Variants in LATS1 observed in about 807,000 individuals in gnomAD.
LATS1 encodes the protein large tumor suppressor kinase 1.
Under a neutral mutation model 106.6 loss-of-function variants are expected in LATS1, and 25 were observed. That is an observed-to-expected ratio of 0.23 (90% CI 0.17 to 0.33). The LOEUF (loss-of-function observed/expected upper bound fraction) is 0.33. Among genes scored for constraint, LATS1 ranks in the 10% least tolerant of loss-of-function variants. The probability of loss-of-function intolerance (pLI) is 1.00; values close to 1 mark genes in which losing one functional copy is unlikely to be tolerated. For missense variants in LATS1, 1,040 were observed against 1,382.6 expected, an observed-to-expected ratio of 0.75 and a Z score of 3.93; for synonymous variants, 465 against 455.6, an observed-to-expected ratio of 1.02 and a Z score of -0.26.
rs371792573 is a variant in LATS1, at chr6:149,673,970, C to T, written c.2883+2290G>A. Among the ~76,000 whole-genome samples the T allele has an allele frequency of 1.1e-3, 164 of 151,724 alleles. 8 individuals are homozygous for T. The East Asian group carries it at 0.017, about 15-fold the overall frequency. On this transcript the variant is annotated intron_variant, in intron 7 of 7. Transcript: ENST00000543571. ...GATTACAGGCATGAGCCACCACACC[C>T]GGCTAATGTAAAACCATTTCTATAT... is the stretch of plus-strand genomic sequence containing the variant.
At chr6:149,710,892 A>G (rs990770353) in intron 1 of LATS1, among the ~76,000 whole-genome samples, 3 of 152,218 alleles carry the variant, frequency 2.0e-5, no homozygotes, top group Non-Finnish European at 4.4e-5. Context: ...TTTGAAAGCA[A>G]AAACAGAAGA....
intron 3 of LATS1, among the ~76,000 whole-genome samples, chr6:149,685,330 C>T (rs766932939): frequency 6.6e-6 from 1 of 151,868 alleles, no homozygotes; most frequent in East Asian, 1.9e-4. Context: ...ATTATTAGGC[C>T]AAAGGGCGTA....
rs767683944 is a variant in LATS1, at chr6:149,661,998, C to G, written c.3124G>C (p.Val1042Leu). ...TCACTCCATAATTTATCAGGATCAA[C>G]AGGATCAAAATTTGATGTATCTGTT... ...HPTDTSNFDP[V>L]DPDKLWSDDN... Residue 1042 changes from valine to leucine, a missense_variant, in exon 8 of 8, where the codon GTT becomes CTT. This residue lies in a region of LATS1 where 113 missense variants were observed against 146.3 expected (regional missense o/e 0.77). Transcript: ENST00000543571. 1 of 1,614,116 alleles carries G rather than the reference C, an allele frequency of 6.2e-7. No homozygotes were observed. Among genetic ancestry groups the G allele is most frequent in the South Asian group, 1.1e-5 (1 of 91,086 alleles).
At position 149,683,944 on chromosome 6, in the gene LATS1, T is replaced by C. The variant is rs373129456; in HGVS notation, c.1145A>G (p.Asn382Ser). 4.3e-6 allele frequency: 7 copies of C among 1,614,128 alleles called. No homozygotes were observed. In the African/African-American group the frequency reaches 9.3e-5, roughly 22 times the overall value. Residue 382 changes from asparagine to serine, a missense_variant, in exon 4 of 8, where the codon AAT becomes AGT. Transcript: ENST00000543571. ...TTGTAAAGCAGAAGGGCTTTGTCCATTAGCTGCTGTCAGAGGATATGGAGG... is the reference window on the plus strand; with the variant it reads ...TTGTAAAGCAGAAGGGCTTTGTCCACTAGCTGCTGTCAGAGGATATGGAGG... The part of the protein sequence containing the change: ...PPPPYPLTAA[N>S]GQSPSALQTG...
At chr6:149,677,413 C>A (rs1441683378) in intron 5 of LATS1, among the ~76,000 whole-genome samples, 1 of 152,196 alleles carries the variant, frequency 6.6e-6, no homozygotes, top group Non-Finnish European at 1.5e-5. Flanking sequence ...GGGGCAAGAA[C>A]TGTAAGAAAT....
At chr6:149,689,985 T>A (rs941357824) in intron 3 of LATS1, among the ~76,000 whole-genome samples, 11 of 147,218 alleles carry the variant, frequency 7.5e-5, no homozygotes, top group South Asian at 2.2e-4. Flanking sequence ...AAAAAAAAAA[T>A]AAGACTCTCC....
chr6:149,668,684 ATCCTCTTGCG>A (rs1781290974), intron 7 of LATS1, among the ~76,000 whole-genome samples: 1 of 151,572 alleles, frequency 6.6e-6, no homozygotes, highest in South Asian at 2.1e-4. Context: ...ACTTCAAGCA[ATCCTCTTGCG>A]TCAGCCTCCC....
intron 1 of LATS1, among the ~76,000 whole-genome samples, chr6:149,714,796 T>C (rs1784298477): frequency 6.6e-6 from 1 of 152,176 alleles, no homozygotes; most frequent in Admixed American, 6.5e-5. Flanking sequence ...AGAAGGATCC[T>C]AGATTCTGAA....
intron 4 of LATS1, among the ~76,000 whole-genome samples, chr6:149,682,420 T>C (rs926931554): frequency 2.7e-5 from 4 of 150,604 alleles, no homozygotes; most frequent in Non-Finnish European, 5.9e-5. Context: ...TTTTTCTTTT[T>C]TTTTTTTTTT....
chr6:149,664,076 C>T (rs1270670360), intron 7 of LATS1, among the ~76,000 whole-genome samples: 1 of 151,032 alleles, frequency 6.6e-6, no homozygotes, highest in Non-Finnish European at 1.5e-5. Context: ...TCCTAAAGTG[C>T]TATAATTACA....
intron 1 of LATS1, among the ~76,000 whole-genome samples, chr6:149,715,445 C>T (rs1029995468): frequency 2.6e-5 from 4 of 152,168 alleles, no homozygotes; most frequent in Admixed American, 2.6e-4. Flanking sequence ...TAAAATAATA[C>T]TGCAAACTGG....
chr6:149,679,277 G>A (rs555148623), intron 5 of LATS1, among the ~76,000 whole-genome samples: 3 of 152,012 alleles, frequency 2.0e-5, no homozygotes, highest in East Asian at 1.9e-4. Context: ...TTGGCCAGGC[G>A]CAGGGGGCTC....
At chr6:149,670,945 T>C (rs1245443091) in intron 7 of LATS1, among the ~76,000 whole-genome samples, 3 of 152,058 alleles carry the variant, frequency 2.0e-5, no homozygotes, top group African/African-American at 7.3e-5. Context: ...TTTTTTTTTC[T>C]ATGGGTCATG....
At chr6:149,667,964 C>T (rs76802894) in intron 7 of LATS1, among the ~76,000 whole-genome samples, 27,609 of 152,200 alleles carry the variant, frequency 0.18, 3,303 homozygotes, top group Non-Finnish European at 0.27. Context: ...GCTGTCGCCC[C>T]GGCTGGAGTG....
chr6:149,703,103 AGCTGT>A (rs1783560801), intron 1 of LATS1, among the ~76,000 whole-genome samples: 1 of 150,952 alleles, frequency 6.6e-6, no homozygotes. Context: ...CATCCCAAGT[AGCTGT>A]GATTACAGGT....
In LATS1 at chr6:149,668,930, C is replaced by T. The variant is rs145092668; in HGVS notation, c.2884-6692G>A. 6.5e-3 allele frequency among the ~76,000 whole-genome samples: 985 copies of T among 151,698 alleles called. 10 individuals carry two copies. Among genetic ancestry groups the T allele is most frequent in the Non-Finnish European group, 8.2e-3 (557 of 67,980 alleles). ...GGATCCTCCCACTTACTGGTGCCCC[C>T]GCCCCAAGTAGCTGGGACTGTAGGC... On this transcript the variant is annotated intron_variant, in intron 7 of 7. Transcript: ENST00000543571.
At chr6:149,691,439 C>G (rs1360747468) in intron 3 of LATS1, among the ~76,000 whole-genome samples, 1 of 152,144 alleles carries the variant, frequency 6.6e-6, no homozygotes, top group East Asian at 1.9e-4. Flanking sequence ...TATGGCAGCC[C>G]TAGCAAACTA....
At chr6:149,705,043 GAATC>G (rs1783685800) in intron 1 of LATS1, among the ~76,000 whole-genome samples, 1 of 149,792 alleles carries the variant, frequency 6.7e-6, no homozygotes, top group Non-Finnish European at 1.5e-5. Flanking sequence ...AATTAGCTAT[GAATC>G]AATCAAACTC....
chr6:149,670,171 CAAAA>C (rs1177166262), intron 7 of LATS1, among the ~76,000 whole-genome samples: 34 of 31,652 alleles, frequency 1.1e-3, no homozygotes, highest in African/African-American at 2.1e-3. Flanking sequence ...AATTGCATCT[CAAAA>C]AAAAAAAAAA....
Sources: gnomAD v4.1 joint callset for allele counts (sites outside exome capture counted in the v4.1 genomes callset) on GRCh38, gnomAD v4.1.1 for gene constraint, gnomAD v4.1.1 regional missense constraint, MANE v1.5 for transcripts, NCBI Gene and HGNC (gene_info 2026-07-23, HGNC 2026-07-21) for gene names.